Variants in UVRAG observed in about 807,000 individuals in gnomAD.
UVRAG encodes the protein UV radiation resistance associated.
A neutral mutation model predicts 78.0 loss-of-function variants in UVRAG; 19 were observed. The observed-to-expected ratio is 0.24, with a 90% CI of 0.17 to 0.36. The LOEUF is 0.36. UVRAG is among the 10% of genes least tolerant of loss of function. The probability of loss-of-function intolerance (pLI) is 1.00; values close to 1 mark genes in which losing one functional copy is unlikely to be tolerated. For synonymous variants in UVRAG, 323 were observed against 324.6 expected, an observed-to-expected ratio of 1.00 and a Z score of 0.05; for missense variants, 740 against 853.8, an observed-to-expected ratio of 0.87 and a Z score of 1.66.
At chr11:76,003,257 A>ATTTTTTTTTTTTTTTTTTTT (rs398045280) in intron 8 of UVRAG, among the ~76,000 whole-genome samples, 3 of 53,734 alleles carry the variant, frequency 5.6e-5, no homozygotes, top group African/African-American at 2.3e-4. Flanking sequence ...GAAAATACTG[A>ATTTTTTTTTTTTTTTTTTTT]TTTTTTTTTT....
intron 5 of UVRAG, among the ~76,000 whole-genome samples, chr11:75,902,803 T>C (rs1305443191): frequency 6.6e-6 from 1 of 152,170 alleles, no homozygotes; most frequent in Non-Finnish European, 1.5e-5. Flanking sequence ...CAGATCAACA[T>C]TCCCAAAGGG....
intron 6 of UVRAG, among the ~76,000 whole-genome samples, chr11:75,921,881 G>T (rs189618158): frequency 2.0e-5 from 3 of 151,556 alleles, no homozygotes; most frequent in African/African-American, 7.3e-5. Flanking sequence ...TTCTGGATTC[G>T]CTCTTTTTTT....
chr11:75,915,537 G>T (rs772610347), intron 6 of UVRAG, among the ~76,000 whole-genome samples: 2 of 152,068 alleles, frequency 1.3e-5, no homozygotes, highest in Non-Finnish European at 2.9e-5. Flanking sequence ...ATATTTTAGG[G>T]TGCTCACCAC....
chr11:75,849,545 G>A (rs1946110328), intron 1 of UVRAG, among the ~76,000 whole-genome samples: 1 of 152,060 alleles, frequency 6.6e-6, no homozygotes, highest in Admixed American at 6.5e-5. Flanking sequence ...TTGTAGGGTT[G>A]TTATGAGAAT....
At chr11:75,944,115 G>A (rs1948539928) in intron 6 of UVRAG, among the ~76,000 whole-genome samples, 2 of 152,072 alleles carry the variant, frequency 1.3e-5, no homozygotes, top group African/African-American at 4.8e-5. Flanking sequence ...CCCACTTTCT[G>A]TTCTGAACGT....
intron 14 of UVRAG, among the ~76,000 whole-genome samples, chr11:76,124,426 C>G (rs1013480049): frequency 4.6e-5 from 7 of 152,214 alleles, no homozygotes; most frequent in African/African-American, 1.7e-4. Context: ...TGTTCACTCT[C>G]GCTGTCATGT....
At chr11:75,920,008 G>GTTTTTTTTTTTTTTTTTTTTTTTT (rs140217190) in intron 6 of UVRAG, among the ~76,000 whole-genome samples, 2 of 55,492 alleles carry the variant, frequency 3.6e-5, no homozygotes, top group African/African-American at 5.8e-5. Flanking sequence ...AATAATTTTG[G>GTTTTTTTTTTTTTTTTTTTTTTTT]TTTTTTTTTT....
intron 1 of UVRAG, among the ~76,000 whole-genome samples, chr11:75,818,355 C>CT (rs1192082063): frequency 1.3e-5 from 2 of 151,140 alleles, no homozygotes; most frequent in Non-Finnish European, 2.9e-5. Flanking sequence ...ACTTTGTTGC[C>CT]TTTTTTTGCT....
At chr11:76,123,414 A>G (rs1952326582) in intron 14 of UVRAG, among the ~76,000 whole-genome samples, 2 of 152,236 alleles carry the variant, frequency 1.3e-5, no homozygotes, top group Admixed American at 6.5e-5. Context: ...AGAAACAGGA[A>G]CACTGAAGAA....
chr11:75,883,581 T>G (rs1354780007), intron 4 of UVRAG, among the ~76,000 whole-genome samples: 1 of 152,138 alleles, frequency 6.6e-6, no homozygotes, highest in Non-Finnish European at 1.5e-5. Context: ...TCAGTTAGGT[T>G]CATTGATAGA....
intron 13 of UVRAG, among the ~76,000 whole-genome samples, chr11:76,101,304 G>A (rs1325546169): frequency 6.6e-6 from 1 of 151,830 alleles, no homozygotes; most frequent in African/African-American, 2.4e-5. Flanking sequence ...GGTATGAGAT[G>A]GTATCTCACT....
chr11:75,905,651 A>G lies in UVRAG; in HGVS notation c.508-6303A>G, dbSNP rs548129801. On this transcript the variant is annotated intron_variant, in intron 5 of 14. Coordinates refer to ENST00000356136, the MANE Select transcript of UVRAG (RefSeq NM_003369.4). The stretch of plus-strand genomic sequence containing the variant: ...CCTTTTTAGGGCTGAGTAATATTCT[A>G]TTGCATGTGTACACACACAGAGACA... 3.9e-5 allele frequency among the ~76,000 whole-genome samples: 6 copies of G among 152,170 alleles called. No homozygotes were observed. The East Asian group carries it at 7.7e-4, about 20-fold the overall frequency.
chr11:75,852,799 T>C (rs912515333), intron 2 of UVRAG, among the ~76,000 whole-genome samples: 1 of 152,168 alleles, frequency 6.6e-6, no homozygotes, highest in African/African-American at 2.4e-5. Flanking sequence ...CTCAGTAAGA[T>C]GTGATTAAAG....
At chr11:76,129,483 C>G (rs775929249) in intron 14 of UVRAG, among the ~76,000 whole-genome samples, 1 of 152,168 alleles carries the variant, frequency 6.6e-6, no homozygotes, top group African/African-American at 2.4e-5. Flanking sequence ...GAGATAAGTT[C>G]TGATATCAGA....
Position 76,057,480 on chromosome 11 carries a change from CAG to C in UVRAG, c.1227-8228_1227-8227del, listed in dbSNP as rs575834090. Among the ~76,000 whole-genome samples, 484 of 152,120 alleles carry C rather than the reference CAG, an allele frequency of 3.2e-3. 2 individuals carry two copies. The highest frequency in any genetic ancestry group is 4.5e-3 in the Non-Finnish European group (308 of 67,978). ...TAAAATATTAAATGATAAATGGAAA[CAG>C]AAATATTATTTTAAAATGGCTTATT... On this transcript the variant is annotated intron_variant, in intron 12 of 14. Coordinates refer to ENST00000356136, the MANE Select transcript of UVRAG (RefSeq NM_003369.4).
chr11:75,879,799 A>G, intron 3 of UVRAG, 80 bp from the exon 4 acceptor site: 12 of 1,542,054 alleles, frequency 7.8e-6, no homozygotes, highest in Non-Finnish European at 1.1e-5. Flanking sequence ...GTTTTGAAAA[A>G]CAAAATGATT....
At chr11:76,071,222 A>T (rs182598745) in intron 13 of UVRAG, among the ~76,000 whole-genome samples, 105 of 152,332 alleles carry the variant, frequency 6.9e-4, no homozygotes, top group African/African-American at 2.5e-3. Flanking sequence ...TTAAATTGTC[A>T]AATAACCCTT....
rs1163838286 is a variant in UVRAG, at chr11:76,143,136, T to C, written c.*1723T>C. The C allele has an allele frequency of 6.6e-6, 1 of 151,860 alleles. No individual in the cohort carries two copies. The highest frequency in any genetic ancestry group is 1.5e-5 in the Non-Finnish European group (1 of 67,992). The allele number at this position is 151,860 out of a possible 1,614,324, so 9.4% of individuals were successfully genotyped here. On this transcript the variant is annotated 3_prime_UTR_variant, in exon 15 of 15. Coordinates refer to ENST00000356136, the MANE Select transcript of UVRAG (RefSeq NM_003369.4). Reference sequence around the variant, plus strand: ...GTCAGTGTGGGTGGAGACAGCATCGTGGATATGCACGTGCTGCGGGGCCCT... The same window carrying C: ...GTCAGTGTGGGTGGAGACAGCATCGCGGATATGCACGTGCTGCGGGGCCCT...
intron 5 of UVRAG, among the ~76,000 whole-genome samples, chr11:75,899,685 A>C (rs1320033711): frequency 1.3e-5 from 2 of 152,226 alleles, no homozygotes; most frequent in East Asian, 3.8e-4. Context: ...CCTTCACATT[A>C]ACCAGCACAA....
Sources: gnomAD v4.1 joint callset for allele counts (sites outside exome capture counted in the v4.1 genomes callset) on GRCh38, gnomAD v4.1.1 for gene constraint, MANE v1.5 for transcripts, NCBI Gene and HGNC (gene_info 2026-07-23, HGNC 2026-07-21) for gene names.